Variants in MITF observed in about 807,000 individuals in gnomAD.
MITF encodes microphthalmia-associated transcription factor.
In MITF, 17 loss-of-function variants were observed where a neutral mutation model predicts 60.5. The ratio of observed to expected loss-of-function variants is 0.28; its 90% confidence interval spans 0.19 to 0.42. The LOEUF (loss-of-function observed/expected upper bound fraction) is 0.42. MITF is among the 10% of genes least tolerant of loss of function. The pLI is 1.00. For synonymous variants in MITF, 260 were observed against 248.5 expected (o/e 1.05, Z -0.43); for missense variants, 622 against 683.5 (o/e 0.91, Z 1.00).
chr3:69,743,642 C>G (rs1313122557), intron 1 of MITF, among the ~76,000 whole-genome samples: 1 of 152,180 alleles, frequency 6.6e-6, no homozygotes, highest in Non-Finnish European at 1.5e-5. Flanking sequence ...GAATTGTTTG[C>G]ACACCGTTTC....
At chr3:69,867,659 A>G (rs1228901209) in intron 1 of MITF, among the ~76,000 whole-genome samples, 1 of 151,780 alleles carries the variant, frequency 6.6e-6, no homozygotes, top group Non-Finnish European at 1.5e-5. Flanking sequence ...GATGATGTCT[A>G]CTCTTTGTGA....
chr3:69,910,958 C>T (rs1447655261), intron 2 of MITF, among the ~76,000 whole-genome samples: 1 of 151,854 alleles, frequency 6.6e-6, no homozygotes, highest in Non-Finnish European at 1.5e-5. Context: ...TTGGAGGGGC[C>T]AGGGGTGGAA....
At chr3:69,912,780 T>G (rs1216461936) in intron 2 of MITF, among the ~76,000 whole-genome samples, 1 of 152,184 alleles carries the variant, frequency 6.6e-6, no homozygotes, top group Non-Finnish European at 1.5e-5. Flanking sequence ...GAATTTGGGC[T>G]GCATCTCTCA....
At chr3:69,887,440 T>C (rs2064647638) in intron 2 of MITF, among the ~76,000 whole-genome samples, 3 of 152,108 alleles carry the variant, frequency 2.0e-5, no homozygotes, top group South Asian at 4.1e-4. Context: ...ATATTGGCTC[T>C]TGCCCTGAAT....
At chr3:69,928,489 G>A (rs1472927759) in intron 2 of MITF, among the ~76,000 whole-genome samples, 1 of 152,160 alleles carries the variant, frequency 6.6e-6, no homozygotes, top group Non-Finnish European at 1.5e-5. Context: ...GAATAAAGTA[G>A]TCCAGTTGTC....
chr3:69,891,496 A>G (rs1477133541), intron 2 of MITF, among the ~76,000 whole-genome samples: 1 of 152,180 alleles, frequency 6.6e-6, no homozygotes, highest in Admixed American at 6.5e-5. Flanking sequence ...CCCTGTGCCT[A>G]TCCCAGGCCT....
At chr3:69,951,984 C>T in intron 7 of MITF, 98 bp downstream of exon 7, 1 of 886,466 alleles carries the variant, frequency 1.1e-6, no homozygotes, top group Non-Finnish European at 1.8e-6. Flanking sequence ...TTGATTCCTA[C>T]AGCTGTTAAA....
At chr3:69,938,318 A>T (rs779739584) in intron 3 of MITF, 1 of 1,545,064 alleles carries the variant, frequency 6.5e-7, no homozygotes, top group Admixed American at 1.9e-5. Flanking sequence ...CTTCTTCCTT[A>T]GCTGAGTGCT....
chr3:69,917,370 T>G (rs2065358024), intron 2 of MITF, among the ~76,000 whole-genome samples: 1 of 144,504 alleles, frequency 6.9e-6, no homozygotes, highest in African/African-American at 2.6e-5. Context: ...TTGATACAGT[T>G]GCCTCCTTTT....
chr3:69,777,786 C>T (rs140424981), intron 1 of MITF, among the ~76,000 whole-genome samples: 3 of 152,070 alleles, frequency 2.0e-5, no homozygotes, highest in East Asian at 1.9e-4. Context: ...GGTTGGAAGG[C>T]GGGAACCTGG....
intron 1 of MITF, among the ~76,000 whole-genome samples, chr3:69,746,201 T>G (rs1336037070): frequency 6.6e-6 from 1 of 152,244 alleles, no homozygotes; most frequent in Admixed American, 6.5e-5. Context: ...AGATTTTACT[T>G]AAGTTGATAT....
chr3:69,910,459 C>G (rs1296972171), intron 2 of MITF, among the ~76,000 whole-genome samples: 1 of 152,146 alleles, frequency 6.6e-6, no homozygotes, highest in Non-Finnish European at 1.5e-5. Context: ...CCTCCATACC[C>G]CAGAATGGTA....
At chr3:69,818,434 A>C (rs1467962239) in intron 1 of MITF, among the ~76,000 whole-genome samples, 2 of 152,166 alleles carry the variant, frequency 1.3e-5, no homozygotes, top group African/African-American at 4.8e-5. Flanking sequence ...ACATCAGTCA[A>C]ATCTTAGCTT....
intron 6 of MITF, among the ~76,000 whole-genome samples, 160 bp from the exon 7 acceptor site, chr3:69,951,652 G>A (rs1311180050): frequency 6.6e-6 from 1 of 151,808 alleles, no homozygotes; most frequent in Non-Finnish European, 1.5e-5. Context: ...TTGAAAACAT[G>A]CAAGCTTTTT....
chr3:69,809,426 T>C (rs943375822), intron 1 of MITF, among the ~76,000 whole-genome samples: 1 of 152,130 alleles, frequency 6.6e-6, no homozygotes, highest in Non-Finnish European at 1.5e-5. Context: ...CCTGGTGCCT[T>C]GAAGGAGTTA....
intron 1 of MITF, among the ~76,000 whole-genome samples, chr3:69,785,012 C>A (rs1011844704): frequency 6.6e-6 from 1 of 150,438 alleles, no homozygotes; most frequent in African/African-American, 2.4e-5. Context: ...TCCTTGTTAT[C>A]TTTGTCAAAG....
rs1576004813 is a variant in MITF, at chr3:69,937,919, A to C, written c.452A>C (p.His151Pro). 5.6e-6 allele frequency: 9 copies of C among 1,614,152 alleles called. No individual in the cohort carries two copies. The Middle Eastern group carries it at 1.3e-3, about 237-fold the overall frequency. ...CTTTCTACCACTTTAGCAAATAAAC[A>C]TGCCAACCAAGTCCTGAGCTTGCCA... The part of the protein sequence containing the change: ...QYLSTTLANK[H>P]ANQVLSLPCP... The change falls in exon 3 of 10, where the codon CAT (histidine) becomes CCT (proline). Residue 151 changes from histidine to proline, a missense_variant. Around this residue, in one of 5 missense-constraint regions of MITF, gnomAD observed 215 missense variants for 224.8 expected, o/e 0.96. Transcript: ENST00000352241.
chr3:69,842,930 G>C (rs142081045), intron 1 of MITF, among the ~76,000 whole-genome samples: 1 of 152,250 alleles, frequency 6.6e-6, no homozygotes, highest in Non-Finnish European at 1.5e-5. Context: ...TTTTCTTGTG[G>C]AGAGTTTCGG....
intron 2 of MITF, among the ~76,000 whole-genome samples, chr3:69,919,347 T>C (rs1343042432): frequency 6.6e-6 from 1 of 152,250 alleles, no homozygotes; most frequent in African/African-American, 2.4e-5. Flanking sequence ...AATTTAATGC[T>C]ATTTCTACTA....
Sources: allele counts gnomAD v4.1 joint callset (sites outside exome capture counted in the v4.1 genomes callset), GRCh38; gene constraint gnomAD v4.1.1; regional missense constraint gnomAD v4.1.1; transcripts MANE v1.5; gene names NCBI Gene and HGNC (gene_info 2026-07-23, HGNC 2026-07-21).